MAN1A1: variants seen among roughly 807,000 people sequenced by gnomAD.
MAN1A1 encodes mannosidase alpha class 1A member 1, also known as mannosyl-oligosaccharide 1,2-alpha-mannosidase IA.
In MAN1A1, 29 loss-of-function variants were observed where a neutral mutation model predicts 70.8. That is an observed-to-expected ratio of 0.41 (90% CI 0.31 to 0.56). The LOEUF (loss-of-function observed/expected upper bound fraction) is 0.56, where lower values mean the gene tolerates loss of function less well. MAN1A1 is among the 20% of genes least tolerant of loss of function. The pLI is 0.29. For missense variants in MAN1A1, 747 were observed against 841.3 expected, an observed-to-expected ratio of 0.89 and a Z score of 1.39; for synonymous variants, 349 against 330.1, an observed-to-expected ratio of 1.06 and a Z score of -0.62.
intron 6 of MAN1A1, among the ~76,000 whole-genome samples, chr6:119,208,480 G>A (rs772358318): frequency 2.6e-5 from 4 of 152,176 alleles, no homozygotes; most frequent in Non-Finnish European, 4.4e-5. Flanking sequence ...TGTTGCTTTG[G>A]AGGCTATAAT....
intron 12 of MAN1A1, 25 bp from the exon 13 acceptor site, chr6:119,179,970 G>A (rs1477116148): frequency 6.2e-7 from 1 of 1,611,606 alleles, no homozygotes; most frequent in Non-Finnish European, 8.5e-7. Context: ...ATAAGTATAT[G>A]AGGCCCAAGA....
chr6:119,330,650 G>T lies in MAN1A1; in HGVS notation c.603+17813C>A, dbSNP rs947692205. On this transcript the variant is annotated intron_variant, in intron 2 of 12. Transcript: ENST00000368468. ...ATCTCAGGATAAAGTCTAAACACCT[G>T]GTCAGACGCCTTCTCTGCTTCATTT... 2.0e-4 allele frequency among the ~76,000 whole-genome samples: 31 copies of T among 152,032 alleles called. 1 individual carries two copies. The highest frequency in any genetic ancestry group is 7.2e-4 in the African/African-American group (30 of 41,396).
chr6:119,225,494 CCA>C (rs1457470819), intron 6 of MAN1A1, among the ~76,000 whole-genome samples: 1 of 152,036 alleles, frequency 6.6e-6, no homozygotes, highest in Non-Finnish European at 1.5e-5. Flanking sequence ...GCTAAAAACT[CCA>C]GATTTTGTGA....
intron 2 of MAN1A1, among the ~76,000 whole-genome samples, chr6:119,344,295 A>G (rs907867030): frequency 1.3e-5 from 2 of 152,248 alleles, no homozygotes; most frequent in Non-Finnish European, 2.9e-5. Flanking sequence ...AACTATCAAC[A>G]GCTTACAGAA....
chr6:119,180,258 C>G, intron 12 of MAN1A1, 54 bp downstream of exon 12: 1 of 1,217,370 alleles, frequency 8.2e-7, no homozygotes, highest in Middle Eastern at 1.9e-4. Context: ...AAGACATCTA[C>G]AAAGATCTGT....
chr6:119,284,206 G>A (rs9489665), intron 5 of MAN1A1, among the ~76,000 whole-genome samples: 58,549 of 151,928 alleles, frequency 0.39, 11,771 homozygotes, highest in African/African-American at 0.41. Flanking sequence ...TCTGCTGAAG[G>A]GATACTTGAT....
chr6:119,199,210 A>C (rs2114943067), intron 8 of MAN1A1, among the ~76,000 whole-genome samples: 1 of 152,348 alleles, frequency 6.6e-6, no homozygotes, highest in African/African-American at 2.4e-5. Context: ...GTTTTCCAAA[A>C]TTCTATTTTT....
At chr6:119,228,932 C>A (rs1323108161) in intron 6 of MAN1A1, among the ~76,000 whole-genome samples, 1 of 152,012 alleles carries the variant, frequency 6.6e-6, no homozygotes, top group Non-Finnish European at 1.5e-5. Flanking sequence ...TCATTGAGGG[C>A]AAACAGAAGC....
At chr6:119,239,111 C>T (rs1157340280) in intron 6 of MAN1A1, among the ~76,000 whole-genome samples, 2 of 152,092 alleles carry the variant, frequency 1.3e-5, no homozygotes, top group Non-Finnish European at 2.9e-5. Flanking sequence ...ATCTCCTGAC[C>T]TCGTGATCCG....
upstream of MAN1A1, among the ~76,000 whole-genome samples, chr6:119,349,924 T>C (rs1334944616): frequency 2.0e-5 from 3 of 151,502 alleles, no homozygotes; most frequent in Admixed American, 2.0e-4. Flanking sequence ...AAGCGCAGCC[T>C]CGGCGGGGCC....
chr6:119,254,484 T>C (rs1235253548), intron 5 of MAN1A1, among the ~76,000 whole-genome samples: 2 of 152,224 alleles, frequency 1.3e-5, no homozygotes, highest in Admixed American at 6.5e-5. Context: ...ACAAATATCA[T>C]CTTTTGAAGA....
chr6:119,290,895 A>T, intron 4 of MAN1A1, 132 bp from the exon 5 acceptor site: 1 of 594,432 alleles, frequency 1.7e-6, no homozygotes, highest in Middle Eastern at 4.5e-4. Flanking sequence ...TACAGGGGGA[A>T]ATGTTCTCCC....
At chr6:119,264,123 G>C (rs918723113) in intron 5 of MAN1A1, among the ~76,000 whole-genome samples, 3 of 152,174 alleles carry the variant, frequency 2.0e-5, no homozygotes, top group Non-Finnish European at 4.4e-5. Context: ...CCCAAAATGT[G>C]GTCCTCAAGA....
chr6:119,253,588 C>G (rs1033036813), intron 5 of MAN1A1, among the ~76,000 whole-genome samples: 1 of 152,112 alleles, frequency 6.6e-6, no homozygotes, highest in African/African-American at 2.4e-5. Flanking sequence ...AAGAGTTTGT[C>G]GAATCCCAAA....
intron 2 of MAN1A1, among the ~76,000 whole-genome samples, chr6:119,311,627 G>T (rs2114459054): frequency 6.6e-6 from 1 of 152,250 alleles, no homozygotes; most frequent in South Asian, 2.1e-4. Context: ...TTTGTACAGG[G>T]TTGCATGGGA....
intron 5 of MAN1A1, among the ~76,000 whole-genome samples, chr6:119,257,925 A>G (rs1440112646): frequency 1.3e-5 from 2 of 152,238 alleles, no homozygotes; most frequent in South Asian, 2.1e-4. Context: ...AAATGGGCAA[A>G]TCGCCAACAT....
At chr6:119,235,897 G>T (rs1774828452) in intron 6 of MAN1A1, among the ~76,000 whole-genome samples, 1 of 152,120 alleles carries the variant, frequency 6.6e-6, no homozygotes, top group African/African-American at 2.4e-5. Flanking sequence ...CAGCACTTTG[G>T]GAGACCAAGG....
At chr6:119,195,949 CTCA>C (rs895367372) in intron 8 of MAN1A1, among the ~76,000 whole-genome samples, 1 of 152,188 alleles carries the variant, frequency 6.6e-6, no homozygotes, top group African/African-American at 2.4e-5. Context: ...TAAGTACGAA[CTCA>C]TCAATAATAA....
chr6:119,234,575 G>A (rs146131348), intron 6 of MAN1A1, among the ~76,000 whole-genome samples: 41 of 151,942 alleles, frequency 2.7e-4, no homozygotes, highest in Middle Eastern at 3.4e-3. Flanking sequence ...CACCATGCCC[G>A]GCTAATTTTT....
Sources: allele counts gnomAD v4.1 joint callset (sites outside exome capture counted in the v4.1 genomes callset), GRCh38; gene constraint gnomAD v4.1.1; transcripts MANE v1.5; gene names NCBI Gene and HGNC (gene_info 2026-07-23, HGNC 2026-07-21).